GRIK2: variants seen among roughly 807,000 people sequenced by gnomAD.
GRIK2 encodes glutamate ionotropic receptor kainate type subunit 2, also known as glutamate receptor ionotropic, kainate 2.
A neutral mutation model predicts 100.3 loss-of-function variants in GRIK2; 32 were observed. That is an observed-to-expected ratio of 0.32 (90% confidence interval 0.24 to 0.43). The LOEUF is 0.43. GRIK2 is among the 20% of genes least tolerant of loss of function. The pLI is 1.00. For missense variants in GRIK2, 843 were observed against 1,114.9 expected, an observed-to-expected ratio of 0.76 and a Z score of 3.47; for synonymous variants, 417 against 389.4, an observed-to-expected ratio of 1.07 and a Z score of -0.83.
intron 7 of GRIK2, among the ~76,000 whole-genome samples, chr6:101,720,807 C>T (rs544734348): frequency 6.6e-6 from 1 of 152,154 alleles, no homozygotes; most frequent in Admixed American, 6.6e-5. Flanking sequence ...AACTGTACTT[C>T]ACCTTTATTT....
intron 12 of GRIK2, among the ~76,000 whole-genome samples, chr6:101,901,155 A>G (rs954985071): frequency 6.6e-6 from 1 of 152,060 alleles, no homozygotes; most frequent in African/African-American, 2.4e-5. Flanking sequence ...TTGCAAATAA[A>G]TAGCTATATT....
intron 9 of GRIK2, among the ~76,000 whole-genome samples, chr6:101,808,911 GA>G (rs944010487): frequency 6.6e-6 from 1 of 150,998 alleles, no homozygotes. Flanking sequence ...TATCCTTTGG[GA>G]AAATCTTAAA....
At chr6:101,440,690 T>C (rs1426200817) in intron 2 of GRIK2, among the ~76,000 whole-genome samples, 1 of 152,096 alleles carries the variant, frequency 6.6e-6, no homozygotes, top group Admixed American at 6.6e-5. Flanking sequence ...AATTGATGAA[T>C]GGATTCCAAC....
At chr6:101,867,131 C>T (rs1365717262) in intron 11 of GRIK2, among the ~76,000 whole-genome samples, 2 of 151,728 alleles carry the variant, frequency 1.3e-5, no homozygotes, top group African/African-American at 4.9e-5. Flanking sequence ...TTATTAAGTC[C>T]ATACTGATTG....
At chr6:101,732,748 C>T (rs1184709321) in intron 7 of GRIK2, among the ~76,000 whole-genome samples, 1 of 152,174 alleles carries the variant, frequency 6.6e-6, no homozygotes, top group Middle Eastern at 3.4e-3. Flanking sequence ...CTTTCCTGCT[C>T]AAAACCTTGC....
At chr6:101,515,299 C>A (rs1201256151) in intron 2 of GRIK2, among the ~76,000 whole-genome samples, 1 of 152,000 alleles carries the variant, frequency 6.6e-6, no homozygotes, top group Non-Finnish European at 1.5e-5. Flanking sequence ...ACCACAGTTT[C>A]TTTATCCACT....
intron 14 of GRIK2, among the ~76,000 whole-genome samples, chr6:102,016,358 AT>A (rs1795830934): frequency 6.6e-6 from 1 of 152,152 alleles, no homozygotes; most frequent in Non-Finnish European, 1.5e-5. Context: ...ATTTGCAAGT[AT>A]TAACACCAGA....
At chr6:101,680,636 A>G (rs1771174220) in intron 5 of GRIK2, among the ~76,000 whole-genome samples, 1 of 152,108 alleles carries the variant, frequency 6.6e-6, no homozygotes, top group African/African-American at 2.4e-5. Context: ...CTGAATCGTT[A>G]TTTCTTTCAA....
At chr6:101,864,360 C>T (rs959992017) in intron 11 of GRIK2, among the ~76,000 whole-genome samples, 1 of 152,090 alleles carries the variant, frequency 6.6e-6, no homozygotes, top group Admixed American at 6.6e-5. Context: ...AGATATTAGG[C>T]CCCTCATGCT....
At chr6:101,560,193 G>A (rs976465863) in intron 2 of GRIK2, among the ~76,000 whole-genome samples, 1 of 152,130 alleles carries the variant, frequency 6.6e-6, no homozygotes, top group African/African-American at 2.4e-5. Flanking sequence ...TCAGACGAGT[G>A]TCAAGAGACT....
At chr6:101,506,308 G>A (rs1774024554) in intron 2 of GRIK2, among the ~76,000 whole-genome samples, 1 of 151,926 alleles carries the variant, frequency 6.6e-6, no homozygotes, top group African/African-American at 2.4e-5. Context: ...TTTTCTTTTT[G>A]AAAAATCTTA....
At chr6:101,960,431 G>A (rs1415494209) in intron 14 of GRIK2, among the ~76,000 whole-genome samples, 1 of 152,010 alleles carries the variant, frequency 6.6e-6, no homozygotes, top group Non-Finnish European at 1.5e-5. Context: ...TAGTTTTTAT[G>A]TTAGTTCCTT....
At chr6:101,439,310 C>T (rs1582453960) in intron 2 of GRIK2, among the ~76,000 whole-genome samples, 1 of 152,238 alleles carries the variant, frequency 6.6e-6, no homozygotes, top group East Asian at 1.9e-4. Flanking sequence ...AAAGTAACAG[C>T]TTTATGCATA....
At chr6:101,420,026 G>T (rs1328739822) in intron 2 of GRIK2, among the ~76,000 whole-genome samples, 2 of 152,142 alleles carry the variant, frequency 1.3e-5, no homozygotes, top group East Asian at 3.9e-4. Context: ...CCAATGTGAA[G>T]ATAATAATAA....
intron 2 of GRIK2, chr6:101,430,385 T>A (rs751915727): frequency 5.4e-5 from 10 of 186,652 alleles, no homozygotes; most frequent in Non-Finnish European, 1.2e-4. Context: ...ATGCAGCAAA[T>A]GCTACACATC....
At chr6:101,817,102 A>C (rs952659459) in intron 9 of GRIK2, among the ~76,000 whole-genome samples, 3 of 152,186 alleles carry the variant, frequency 2.0e-5, no homozygotes, top group Non-Finnish European at 4.4e-5. Context: ...CATTGTCATA[A>C]GCATAGTCTA....
chr6:101,465,112 AATTT>A (rs1395621470), intron 2 of GRIK2, among the ~76,000 whole-genome samples: 2 of 152,102 alleles, frequency 1.3e-5, no homozygotes, highest in Non-Finnish European at 2.9e-5. Context: ...GCTGACTCTT[AATTT>A]TTATTTATTT....
At chr6:101,589,565 G>A (rs993042362) in intron 2 of GRIK2, among the ~76,000 whole-genome samples, 3 of 151,976 alleles carry the variant, frequency 2.0e-5, no homozygotes, top group African/African-American at 7.2e-5. Flanking sequence ...TTATTTTTCT[G>A]TGCCTGGTTT....
intron 7 of GRIK2, among the ~76,000 whole-genome samples, chr6:101,764,175 C>G (rs1437031270): frequency 1.3e-5 from 2 of 152,028 alleles, no homozygotes; most frequent in Non-Finnish European, 2.9e-5. Context: ...ACCTTTATTC[C>G]TGAGTGTCAT....
Sources: gnomAD v4.1 joint callset for allele counts (sites outside exome capture counted in the v4.1 genomes callset) on GRCh38, gnomAD v4.1.1 for gene constraint, MANE v1.5 for transcripts, NCBI Gene and HGNC (gene_info 2026-07-23, HGNC 2026-07-21) for gene names.